Variants in LNPEP observed in about 807,000 individuals in gnomAD.
LNPEP encodes leucyl and cystinyl aminopeptidase, also known as leucyl-cystinyl aminopeptidase.
In LNPEP, 64 loss-of-function variants were observed where a neutral mutation model predicts 120.6. That is an observed-to-expected ratio of 0.53 (90% confidence interval 0.43 to 0.65). The LOEUF (loss-of-function observed/expected upper bound fraction) is 0.65. Ranked by LOEUF, LNPEP falls within the 30% of genes least tolerant of loss-of-function variation. The probability of loss-of-function intolerance (pLI) is 0.00; values close to 1 mark genes in which losing one functional copy is unlikely to be tolerated. For synonymous variants in LNPEP, 435 were observed against 425.4 expected (o/e 1.02, Z -0.28); for missense variants, 1,057 against 1,200.0 (o/e 0.88, Z 1.76).
At chr5:96,967,202 C>T (rs554158112) in intron 1 of LNPEP, among the ~76,000 whole-genome samples, 3 of 152,208 alleles carry the variant, frequency 2.0e-5, no homozygotes, top group African/African-American at 4.8e-5. Context: ...CAAAACATCC[C>T]TAAGAATTAA....
In LNPEP at chr5:97,026,646, A is replaced by C; in HGVS notation, c.2753A>C (p.Asn918Thr). Residue 918 changes from asparagine (N) to threonine (T), a missense_variant, in exon 16 of 18, where the codon AAC becomes ACC. Physicochemically the swap from Asn to Thr is moderately conservative, Grantham distance 65. Coordinates refer to ENST00000231368, the MANE Select transcript of LNPEP (RefSeq NM_005575.3). ...WLMKSSLNGD[N>T]FRTQKLSFII... The stretch of plus-strand genomic sequence containing the variant: ...ATGAAAAGTAGCCTGAATGGAGATA[A>C]CTTCCGAACACAGAAGCTGTCTTTT... 1 of 1,613,104 alleles carries C rather than the reference A, an allele frequency of 6.2e-7. No individual in the cohort carries two copies. The highest frequency in any genetic ancestry group is 8.5e-7 in the Non-Finnish European group (1 of 1,179,168).
At chr5:96,995,195 G>GTA (rs1451636623) in intron 6 of LNPEP, among the ~76,000 whole-genome samples, 17 of 152,304 alleles carry the variant, frequency 1.1e-4, no homozygotes, top group Admixed American at 1.1e-3. Context: ...CCATTTGGGA[G>GTA]TATTTCTCTG....
intron 11 of LNPEP, among the ~76,000 whole-genome samples, chr5:97,012,051 A>G (rs1287384568): frequency 3.3e-5 from 5 of 152,120 alleles, no homozygotes. Context: ...ACATATTTAT[A>G]AAGCATTTTA....
At chr5:96,948,515 A>G (rs1789246901) in intron 1 of LNPEP, among the ~76,000 whole-genome samples, 1 of 152,208 alleles carries the variant, frequency 6.6e-6, no homozygotes, top group Admixed American at 6.5e-5. Flanking sequence ...TTAAAAAACT[A>G]TTCTATTTTC....
intron 13 of LNPEP, among the ~76,000 whole-genome samples, chr5:97,021,239 A>C (rs533032910): frequency 1.3e-3 from 119 of 90,672 alleles, no homozygotes; most frequent in African/African-American, 4.9e-3. Context: ...AAAACAAGAA[A>C]AACATGTGTG....
chr5:97,000,035 CAG>C, intron 8 of LNPEP, among the ~76,000 whole-genome samples: 2 of 152,226 alleles, frequency 1.3e-5, no homozygotes, highest in East Asian at 3.9e-4. Flanking sequence ...GGGGTTATAT[CAG>C]GGGACAAGGT....
intron 1 of LNPEP, among the ~76,000 whole-genome samples, chr5:96,947,896 A>C (rs1789225239): frequency 6.6e-6 from 1 of 151,752 alleles, no homozygotes; most frequent in South Asian, 2.1e-4. Context: ...AATCTACCTA[A>C]TTTTTCTATT....
intron 1 of LNPEP, among the ~76,000 whole-genome samples, chr5:96,944,560 C>CTTTTTTTTTTTTTTTTTTT: frequency 1.8e-5 from 1 of 56,354 alleles, no homozygotes; most frequent in Non-Finnish European, 3.3e-5. Flanking sequence ...CTTATTTTTG[C>CTTTTTTTTTTTTTTTTTTT]TTTTTTTTTT....
At chr5:96,955,078 G>A (rs550540757) in intron 1 of LNPEP, among the ~76,000 whole-genome samples, 11 of 150,798 alleles carry the variant, frequency 7.3e-5, no homozygotes, top group South Asian at 2.1e-4. Flanking sequence ...CACCGCGCCC[G>A]GCCTGCAATT....
In LNPEP at chr5:97,022,369, A is replaced by G; in HGVS notation, c.2446A>G (p.Met816Val). ...TTGGACTGATGAGGGCACTCCATCTATGCGAGAGCTTCGGTCAGCCCTGCT... is the reference window on the plus strand; with the variant it reads ...TTGGACTGATGAGGGCACTCCATCTGTGCGAGAGCTTCGGTCAGCCCTGCT... The part of the protein sequence containing the change: ...QTWTDEGTPS[M>V]RELRSALLEF... Residue 816 changes from methionine (M) to valine (V), a missense_variant, in exon 14 of 18, where the codon ATG becomes GTG. By Grantham distance (21) the Met-to-Val change is conservative. Transcript: ENST00000231368. The G allele has an allele frequency of 3.1e-6, 5 of 1,613,980 alleles. No individual in the cohort carries two copies. Among genetic ancestry groups the G allele is most frequent in the Non-Finnish European group, 4.2e-6 (5 of 1,179,850 alleles).
chr5:96,988,100 T>C (rs1440301950), intron 4 of LNPEP, among the ~76,000 whole-genome samples: 1 of 152,006 alleles, frequency 6.6e-6, no homozygotes, highest in Non-Finnish European at 1.5e-5. Flanking sequence ...TATCCCAAAA[T>C]GTATGCAGTC....
chr5:97,008,712 GA>G (rs1582024447), intron 11 of LNPEP, among the ~76,000 whole-genome samples: 5 of 140,670 alleles, frequency 3.6e-5, no homozygotes, highest in East Asian at 2.1e-4. Flanking sequence ...TTGCCCAGGT[GA>G]GAGTGCAGTG....
chr5:96,936,147 G>T lies in LNPEP; in HGVS notation c.-9G>T. ...CGCTCCGGCTGTAAGGAGCCGCGGC[G>T]GGGGGAAAATGGAGCCCTTCACCAA... On this transcript the variant is annotated 5_prime_UTR_variant, in exon 1 of 18. Coordinates refer to ENST00000231368, the MANE Select transcript of LNPEP (RefSeq NM_005575.3). The T allele has an allele frequency of 6.6e-7, 1 of 1,504,104 alleles. No individual in the cohort carries two copies. Among genetic ancestry groups the T allele is most frequent in the Middle Eastern group, 2.4e-4 (1 of 4,198 alleles). The allele number at this position is 1,504,104 out of a possible 1,614,324, so 93.2% of individuals were successfully genotyped here.
At chr5:96,982,197 T>G (rs1172235523) in intron 2 of LNPEP, among the ~76,000 whole-genome samples, 4 of 152,182 alleles carry the variant, frequency 2.6e-5, no homozygotes, top group African/African-American at 7.2e-5. Context: ...TCATTTTAAC[T>G]GCAGAAGCCA....
Position 97,033,148 on chromosome 5 carries a change from T to A in LNPEP, c.*4615T>A, listed in dbSNP as rs1791503703. The A allele has an allele frequency of 6.6e-6, 1 of 152,100 alleles. No homozygotes were observed. The highest frequency in any genetic ancestry group is 1.5e-5 in the Non-Finnish European group (1 of 68,018). 9.4% of individuals were successfully genotyped at this position (152,100 alleles called of 1,614,324 possible). On this transcript the variant is annotated 3_prime_UTR_variant, in exon 18 of 18. Coordinates refer to ENST00000231368, the MANE Select transcript of LNPEP (RefSeq NM_005575.3). ...TACTACATTGTATTACTAATTTGGT[T>A]CACACTGTGTCCTTCTCATGGATGT... is the stretch of plus-strand genomic sequence containing the variant.
intron 15 of LNPEP, among the ~76,000 whole-genome samples, chr5:97,025,329 A>G (rs918293675): frequency 8.5e-5 from 13 of 152,318 alleles, no homozygotes; most frequent in South Asian, 2.1e-4. Flanking sequence ...CTTCTGTTGT[A>G]TGATTTTGCT....
intron 13 of LNPEP, among the ~76,000 whole-genome samples, chr5:97,019,756 T>C (rs1791146846): frequency 6.6e-6 from 1 of 152,158 alleles, no homozygotes. Context: ...ATTTCAAGCA[T>C]GTGATTTTTT....
intron 5 of LNPEP, 88 bp from the exon 6 acceptor site, chr5:96,993,729 C>T (rs1448019574): frequency 1.7e-6 from 2 of 1,198,530 alleles, no homozygotes; most frequent in Non-Finnish European, 2.4e-6. Context: ...TCATTGCTTT[C>T]ACAGTGATAA....
intron 4 of LNPEP, among the ~76,000 whole-genome samples, chr5:96,988,024 A>G (rs887188561): frequency 1.4e-4 from 22 of 152,106 alleles, no homozygotes; most frequent in Admixed American, 1.4e-3. Context: ...CTTTCATAGC[A>G]CTTTAATTAT....
Sources: allele counts gnomAD v4.1 joint callset (sites outside exome capture counted in the v4.1 genomes callset), GRCh38; gene constraint gnomAD v4.1.1; transcripts MANE v1.5; gene names NCBI Gene and HGNC (gene_info 2026-07-23, HGNC 2026-07-21).